The following DLGAP2 variants were observed in gnomAD, a reference collection of about 807,000 sequenced individuals.
DLGAP2 encodes the protein DLG associated protein 2.
A neutral mutation model predicts 100.3 loss-of-function variants in DLGAP2; 26 were observed. The ratio of observed to expected loss-of-function variants is 0.26; its 90% CI spans 0.19 to 0.36. DLGAP2 has a LOEUF of 0.36. Among genes scored for constraint, DLGAP2 ranks in the 10% least tolerant of loss-of-function variants. DLGAP2 has a pLI of 1.00. For synonymous variants in DLGAP2, 886 were observed against 630.1 expected (o/e 1.41, Z -6.08); for missense variants, 1,858 against 1,453.2 (o/e 1.28, Z -4.53).
chr8:743,554 C>G (rs774827663), intron 1 of DLGAP2, among the ~76,000 whole-genome samples: 1 of 152,150 alleles, frequency 6.6e-6, no homozygotes, highest in Non-Finnish European at 1.5e-5. Flanking sequence ...CTGATGACCT[C>G]TTCTTGGTAT....
At chr8:1,559,507 T>C (rs1054956100) in intron 5 of DLGAP2, among the ~76,000 whole-genome samples, 3 of 152,232 alleles carry the variant, frequency 2.0e-5, no homozygotes, top group Admixed American at 2.0e-4. Flanking sequence ...GTTGACATTC[T>C]TTCTGTATTG....
intron 6 of DLGAP2, among the ~76,000 whole-genome samples, chr8:1,610,215 G>C (rs1027627399): frequency 1.9e-4 from 29 of 152,270 alleles, no homozygotes; most frequent in Non-Finnish European, 3.1e-4. Flanking sequence ...AATGAAACTA[G>C]AACTCAGGAT....
At chr8:1,077,747 C>T (rs928509880) in intron 2 of DLGAP2, among the ~76,000 whole-genome samples, 2 of 152,230 alleles carry the variant, frequency 1.3e-5, no homozygotes, top group Admixed American at 6.5e-5. Context: ...GATTAGCCCA[C>T]GCAGTGGTTA....
chr8:1,392,824 C>G (rs1203192013), intron 3 of DLGAP2, among the ~76,000 whole-genome samples: 1 of 150,168 alleles, frequency 6.7e-6, no homozygotes, highest in Non-Finnish European at 1.5e-5. Context: ...TGTGATTGGA[C>G]TTTGGCAAAG....
At chr8:1,168,279 CATT>C (rs1358682526) in intron 2 of DLGAP2, among the ~76,000 whole-genome samples, 2 of 151,854 alleles carry the variant, frequency 1.3e-5, no homozygotes, top group Admixed American at 1.3e-4. Context: ...TCCAGTCTAT[CATT>C]GTTGGACATT....
intron 2 of DLGAP2, among the ~76,000 whole-genome samples, chr8:1,138,318 C>T (rs780629280): frequency 3.4e-4 from 51 of 152,192 alleles, no homozygotes; most frequent in Admixed American, 3.9e-4. Context: ...GTCTGCATGC[C>T]GATGAAGACC....
chr8:1,344,908 C>T (rs1395627203), intron 3 of DLGAP2, among the ~76,000 whole-genome samples: 1 of 152,220 alleles, frequency 6.6e-6, no homozygotes, highest in Non-Finnish European at 1.5e-5. Flanking sequence ...TATTCCACTT[C>T]CGGTCAAAGG....
intron 2 of DLGAP2, among the ~76,000 whole-genome samples, chr8:1,063,295 G>A (rs546314317): frequency 6.6e-6 from 1 of 152,294 alleles, no homozygotes; most frequent in South Asian, 2.1e-4. Context: ...AGTGTTTTAA[G>A]TGTGATGGGA....
At chr8:1,481,005 T>C (rs916026163) in intron 3 of DLGAP2, among the ~76,000 whole-genome samples, 4 of 151,438 alleles carry the variant, frequency 2.6e-5, no homozygotes, top group African/African-American at 4.9e-5. Context: ...ACCCCATCTC[T>C]ACTAAAAATA....
At chr8:1,237,160 G>A (rs554388851) in intron 2 of DLGAP2, among the ~76,000 whole-genome samples, 15 of 133,178 alleles carry the variant, frequency 1.1e-4, no homozygotes, top group South Asian at 5.0e-4. Flanking sequence ...ACATGGCGCC[G>A]TGTCTAGTTC....
rs577331474 is a variant in DLGAP2 at position 1,029,977 on chromosome 8, G to A, written c.73+122011G>A. Among the ~76,000 whole-genome samples, 8 of 152,308 alleles carry A rather than the reference G, an allele frequency of 5.3e-5. No homozygotes were observed. In the South Asian group the frequency reaches 1.0e-3, roughly 20 times the overall value. On this transcript the variant is annotated intron_variant, in intron 2 of 14. Transcript: ENST00000637795. ...GGTTAAGGGAAGAGGAGCTCATCCC[G>A]AGAGGAAGCTGGGAGGCCCGGCCCT...
At chr8:1,173,847 G>A (rs932498142) in intron 2 of DLGAP2, among the ~76,000 whole-genome samples, 4 of 152,236 alleles carry the variant, frequency 2.6e-5, no homozygotes, top group Non-Finnish European at 4.4e-5. Flanking sequence ...GTGAGGCAAT[G>A]CGTCGCCCTG....
intron 1 of DLGAP2, among the ~76,000 whole-genome samples, chr8:886,297 A>G (rs1401699067): frequency 5.3e-5 from 8 of 151,790 alleles, no homozygotes; most frequent in Non-Finnish European, 8.8e-5. Flanking sequence ...CTAGCAGTCT[A>G]TTTTGTTAAT....
chr8:858,477 C>G (rs1242155680), intron 1 of DLGAP2, among the ~76,000 whole-genome samples: 1 of 152,086 alleles, frequency 6.6e-6, no homozygotes, highest in Non-Finnish European at 1.5e-5. Context: ...AGGGAAGCGC[C>G]TCTGTGTGAT....
intron 1 of DLGAP2, among the ~76,000 whole-genome samples, chr8:789,976 G>A (rs781176786): frequency 3.2e-4 from 49 of 152,202 alleles, no homozygotes; most frequent in Non-Finnish European, 6.5e-4. Context: ...GGAAAGTGGG[G>A]AGATGATGCC....
At chr8:1,275,780 A>AAT (rs1799671451) in intron 3 of DLGAP2, among the ~76,000 whole-genome samples, 16 of 129,984 alleles carry the variant, frequency 1.2e-4, no homozygotes, top group Non-Finnish European at 9.4e-5. Flanking sequence ...ATTATATATA[A>AAT]AAATATATAA....
intron 1 of DLGAP2, among the ~76,000 whole-genome samples, chr8:850,377 C>T (rs182408352): frequency 1.3e-5 from 2 of 152,214 alleles, no homozygotes; most frequent in Admixed American, 1.3e-4. Context: ...AAGATTTCTG[C>T]ACTTTGTGCA....
intron 2 of DLGAP2, among the ~76,000 whole-genome samples, chr8:1,135,443 C>G (rs1279877353): frequency 2.0e-5 from 3 of 150,610 alleles, no homozygotes; most frequent in Non-Finnish European, 4.4e-5. Flanking sequence ...TTTTAGGAAC[C>G]ACGCAGAGAT....
At chr8:743,398 T>A (rs1820535967) in intron 1 of DLGAP2, among the ~76,000 whole-genome samples, 1 of 152,244 alleles carries the variant, frequency 6.6e-6, no homozygotes. Context: ...AGAGATGTTC[T>A]GAGGGTAGAT....
Sources: gnomAD v4.1 joint callset for allele counts (sites outside exome capture counted in the v4.1 genomes callset) on GRCh38, gnomAD v4.1.1 for gene constraint, MANE v1.5 for transcripts, NCBI Gene and HGNC (gene_info 2026-07-23, HGNC 2026-07-21) for gene names.